DLGAP1: variants seen among roughly 807,000 people sequenced by gnomAD.
The protein encoded by DLGAP1 is DLG associated protein 1, also known as disks large-associated protein 1.
A neutral mutation model predicts 90.8 loss-of-function variants in DLGAP1; 11 were observed. The ratio of observed to expected loss-of-function variants is 0.12; its 90% CI spans 0.08 to 0.20. The LOEUF (loss-of-function observed/expected upper bound fraction) is 0.20, where lower values mean the gene tolerates loss of function less well. Ranked by LOEUF, DLGAP1 falls within the 10% of genes least tolerant of loss-of-function variation. DLGAP1 has a pLI of 1.00. For missense variants in DLGAP1, 1,050 were observed against 1,333.8 expected, an observed-to-expected ratio of 0.79 and a Z score of 3.31; for synonymous variants, 558 against 540.7, an observed-to-expected ratio of 1.03 and a Z score of -0.44.
Position 3,523,573 on chromosome 18 carries a change from T to C in DLGAP1, c.2479+10621A>G, listed in dbSNP as rs374716322. Among the ~76,000 whole-genome samples, 603 of 149,616 alleles carry C rather than the reference T, an allele frequency of 4.0e-3. 1 individual carries two copies. Among genetic ancestry groups the C allele is most frequent in the Non-Finnish European group, 5.1e-3 (342 of 67,226 alleles). ...AAAAATGGGCAAAGGTCCGACCAGG[T>C]GCGGTGGCTCACGCCTGTAATCCCA... is the stretch of plus-strand genomic sequence containing the variant. On this transcript the variant is annotated intron_variant, in intron 10 of 12. Coordinates refer to ENST00000315677, the MANE Select transcript of DLGAP1 (RefSeq NM_004746.4).
intron 1 of DLGAP1, among the ~76,000 whole-genome samples, chr18:4,431,539 A>G (rs1470610396): frequency 6.6e-6 from 1 of 152,220 alleles, no homozygotes; most frequent in Non-Finnish European, 1.5e-5. Flanking sequence ...TTCTGGACAA[A>G]GGTAATTAAG....
chr18:3,933,102 A>G (rs976809790), intron 3 of DLGAP1, among the ~76,000 whole-genome samples: 5 of 152,234 alleles, frequency 3.3e-5, no homozygotes, highest in Non-Finnish European at 5.9e-5. Flanking sequence ...TCACTGGGTG[A>G]TGCATTGCAC....
intron 4 of DLGAP1, among the ~76,000 whole-genome samples, chr18:3,841,725 T>TA (rs903490184): frequency 1.2e-4 from 19 of 152,218 alleles, no homozygotes; most frequent in Admixed American, 3.3e-4. Context: ...ATGAGTAGCA[T>TA]AAAAAATCAT....
intron 2 of DLGAP1, among the ~76,000 whole-genome samples, chr18:4,010,266 TG>T (rs1234951161): frequency 6.6e-6 from 1 of 152,184 alleles, no homozygotes; most frequent in Non-Finnish European, 1.5e-5. Context: ...TCAGGATTGC[TG>T]GGTGCGGTGG....
At chr18:3,862,220 G>A (rs765043804) in intron 4 of DLGAP1, among the ~76,000 whole-genome samples, 17 of 152,216 alleles carry the variant, frequency 1.1e-4, no homozygotes, top group Non-Finnish European at 2.4e-4. Flanking sequence ...ACCTGTCAGA[G>A]GATGAGGGGC....
intron 4 of DLGAP1, among the ~76,000 whole-genome samples, chr18:3,840,137 C>CT (rs1362289603): frequency 6.6e-6 from 1 of 152,170 alleles, no homozygotes; most frequent in African/African-American, 2.4e-5. Flanking sequence ...GTAATATCAT[C>CT]TTTTTTATAT....
rs1405949558 is a variant in DLGAP1, at chr18:3,631,541, GTTCAAGA to G, written c.1592-49300_1592-49294del. ...GGCAGGAGGATCACTTGAGCTCCGA[GTTCAAGA>G]CCAGCCTGGGCAACATAGTGAGACC... On this transcript the variant is annotated intron_variant, in intron 7 of 12. Transcript: ENST00000315677. 2.8e-4 allele frequency among the ~76,000 whole-genome samples: 42 copies of G among 152,214 alleles called. 1 individual carries two copies. In the South Asian group the frequency reaches 6.8e-3, roughly 25 times the overall value.
At chr18:3,862,272 T>C (rs942234486) in intron 4 of DLGAP1, among the ~76,000 whole-genome samples, 2 of 152,220 alleles carry the variant, frequency 1.3e-5, no homozygotes, top group Non-Finnish European at 2.9e-5. Context: ...CTGTAGCAGA[T>C]ATGATGATGC....
intron 3 of DLGAP1, among the ~76,000 whole-genome samples, chr18:3,987,991 T>C (rs182209554): frequency 1.7e-4 from 26 of 152,276 alleles, no homozygotes; most frequent in African/African-American, 6.0e-4. Flanking sequence ...CCCATTACAT[T>C]TATTGTGCAC....
chr18:3,958,292 G>A lies in DLGAP1; in HGVS notation c.-73+46824C>T, dbSNP rs368007769. Among the ~76,000 whole-genome samples, 203 of 152,090 alleles carry A rather than the reference G, an allele frequency of 1.3e-3. 3 individuals are homozygous for A. The South Asian group carries it at 0.019, about 14-fold the overall frequency. Reference sequence around the variant, plus strand: ...GTAATCCCAAAGTGCTGGGATTACAGGTGTGAGCCAGTGCACTTGGCCTTA... The same window carrying A: ...GTAATCCCAAAGTGCTGGGATTACAAGTGTGAGCCAGTGCACTTGGCCTTA... On this transcript the variant is annotated intron_variant, in intron 3 of 12. Coordinates refer to ENST00000315677, the MANE Select transcript of DLGAP1 (RefSeq NM_004746.4).
intron 1 of DLGAP1, among the ~76,000 whole-genome samples, chr18:4,367,592 A>T (rs1167377398): frequency 1.3e-5 from 2 of 152,176 alleles, no homozygotes; most frequent in African/African-American, 4.8e-5. Context: ...AGCTTCTTCA[A>T]GAAACTTAAC....
rs2144339385 is a variant in DLGAP1 at position 4,383,103 on chromosome 18, A to G, written c.-267+71903T>C. ...GCCTGCTAACAGAGTTTAGCAAAGG[A>G]ATCAGAGGTTAATTACCTTCACTCC... is the stretch of plus-strand genomic sequence containing the variant. On this transcript the variant is annotated intron_variant, in intron 1 of 12. Coordinates refer to ENST00000315677, the MANE Select transcript of DLGAP1 (RefSeq NM_004746.4). This position sits in a 1 kb window ranked among gnomAD's most constrained non-coding sequence, Gnocchi z 4.0. Among the ~76,000 whole-genome samples, 1 of 152,258 alleles carries G rather than the reference A, an allele frequency of 6.6e-6. No homozygotes were observed. The highest frequency in any genetic ancestry group is 1.5e-5 in the Non-Finnish European group (1 of 68,020).
intron 3 of DLGAP1, among the ~76,000 whole-genome samples, chr18:3,899,933 G>T (rs2071745137): frequency 6.6e-6 from 1 of 152,142 alleles, no homozygotes; most frequent in African/African-American, 2.4e-5. Flanking sequence ...TATCAAGGTT[G>T]ATTTTTGTTT....
intron 1 of DLGAP1, among the ~76,000 whole-genome samples, chr18:4,416,275 A>G (rs2082897178): frequency 6.6e-6 from 1 of 152,176 alleles, no homozygotes; most frequent in Non-Finnish European, 1.5e-5. Context: ...TTGTGGATCA[A>G]TTATAATAGT....
intron 9 of DLGAP1, among the ~76,000 whole-genome samples, chr18:3,541,604 C>T (rs943143416): frequency 1.3e-5 from 2 of 152,124 alleles, no homozygotes; most frequent in Non-Finnish European, 2.9e-5. Flanking sequence ...AGTCTGTGGT[C>T]CCTGAACTGG....
intron 1 of DLGAP1, among the ~76,000 whole-genome samples, chr18:4,284,609 C>T (rs1040875762): frequency 6.6e-6 from 1 of 152,160 alleles, no homozygotes; most frequent in Non-Finnish European, 1.5e-5. Flanking sequence ...GTTTCACATA[C>T]TTAGTCACTA....
chr18:3,702,635 A>G (rs1186395735), intron 7 of DLGAP1, among the ~76,000 whole-genome samples: 6 of 152,204 alleles, frequency 3.9e-5, no homozygotes, highest in Non-Finnish European at 8.8e-5. Flanking sequence ...TCTTAGAAGT[A>G]ATCAGATACA....
intron 1 of DLGAP1, among the ~76,000 whole-genome samples, chr18:4,204,144 T>A (rs911629448): frequency 6.6e-6 from 1 of 152,224 alleles, no homozygotes; most frequent in African/African-American, 2.4e-5. Context: ...CTCGGCTTAA[T>A]CGCCATAATT....
At chr18:4,010,583 T>C (rs892812418) in intron 2 of DLGAP1, among the ~76,000 whole-genome samples, 5 of 152,046 alleles carry the variant, frequency 3.3e-5, no homozygotes, top group Non-Finnish European at 5.9e-5. Flanking sequence ...TAAAGAATCA[T>C]GAGAATGAAG....
Sources: allele counts gnomAD v4.1 joint callset (sites outside exome capture counted in the v4.1 genomes callset), GRCh38; gene constraint gnomAD v4.1.1; non-coding constraint Gnocchi (gnomAD v3.1); transcripts MANE v1.5; gene names NCBI Gene and HGNC (gene_info 2026-07-23, HGNC 2026-07-21).